Variants in SNTG1 observed in about 807,000 individuals in gnomAD.
SNTG1 encodes the protein syntrophin gamma 1, also known as gamma-1-syntrophin.
SNTG1 carries 39 observed loss-of-function variants against 74.7 expected under a neutral mutation model. That is an observed-to-expected ratio of 0.52 (90% CI 0.40 to 0.68). The LOEUF is 0.68. Ranked by LOEUF, SNTG1 falls within the 30% of genes least tolerant of loss-of-function variation. The pLI, the probability that SNTG1 is intolerant of heterozygous loss-of-function variation, is 0.00. For missense variants in SNTG1, 685 were observed against 609.5 expected (o/e 1.12, Z -1.30); for synonymous variants, 254 against 217.1 (o/e 1.17, Z -1.49).
At position 50,138,262 on chromosome 8, in the gene SNTG1, A is replaced by G. The variant is rs893114313; in HGVS notation, c.-102-34299A>G. On this transcript the variant is annotated intron_variant, in intron 1 of 18. Coordinates refer to ENST00000642720, the MANE Select transcript of SNTG1 (RefSeq NM_018967.5). ...GAAAGCACTGAAAATGTCTGTTCAG[A>G]AAAAAAAACAGCAATTGAAATAATT... Among the ~76,000 whole-genome samples, 3 of 150,338 alleles carry G rather than the reference A, an allele frequency of 2.0e-5. No homozygotes were observed. In the Admixed American group the frequency reaches 2.0e-4, roughly 10 times the overall value.
At chr8:50,232,541 T>G (rs967544078) in intron 2 of SNTG1, among the ~76,000 whole-genome samples, 17 of 151,452 alleles carry the variant, frequency 1.1e-4, no homozygotes, top group Admixed American at 1.1e-3. Context: ...AGGCAAGATG[T>G]TTACTCTTTT....
intron 1 of SNTG1, among the ~76,000 whole-genome samples, chr8:49,974,191 A>C (rs1268637020): frequency 1.3e-5 from 2 of 152,218 alleles, no homozygotes; most frequent in Non-Finnish European, 2.9e-5. Flanking sequence ...CATAGTAACG[A>C]TAGCCCGATA....
chr8:49,963,659 G>T (rs1810893247), intron 1 of SNTG1, among the ~76,000 whole-genome samples: 1 of 152,132 alleles, frequency 6.6e-6, no homozygotes, highest in Non-Finnish European at 1.5e-5. Context: ...GTGCTAACAG[G>T]TTGAGGTTTC....
intron 1 of SNTG1, among the ~76,000 whole-genome samples, chr8:50,162,255 C>T (rs1411603076): frequency 6.6e-6 from 1 of 152,030 alleles, no homozygotes; most frequent in African/African-American, 2.4e-5. Flanking sequence ...GTGAACCCTG[C>T]GGCCTGCTGG....
chr8:50,059,972 A>G (rs528520122), intron 1 of SNTG1, among the ~76,000 whole-genome samples: 1 of 152,210 alleles, frequency 6.6e-6, no homozygotes, highest in Non-Finnish European at 1.5e-5. Flanking sequence ...CCTGCAGTAG[A>G]TGAGTGTTCC....
At chr8:50,052,137 T>C (rs889065628) in intron 1 of SNTG1, among the ~76,000 whole-genome samples, 3 of 152,076 alleles carry the variant, frequency 2.0e-5, no homozygotes, top group African/African-American at 7.2e-5. Context: ...ATTCATACTA[T>C]ATTTCCTGAT....
chr8:49,943,621 C>A (rs1440096973), intron 1 of SNTG1, among the ~76,000 whole-genome samples: 1 of 152,194 alleles, frequency 6.6e-6, no homozygotes, highest in South Asian at 2.1e-4. Flanking sequence ...AATTTTAATC[C>A]TTGCCCTTCT....
chr8:50,211,298 G>A (rs2084510645), intron 2 of SNTG1, among the ~76,000 whole-genome samples: 1 of 151,996 alleles, frequency 6.6e-6, no homozygotes, highest in African/African-American at 2.4e-5. Context: ...TATCTTAAAT[G>A]CACCCTTAGA....
At chr8:50,716,130 TTTTA>T (rs1394885913) in intron 17 of SNTG1, among the ~76,000 whole-genome samples, 6 of 152,168 alleles carry the variant, frequency 3.9e-5, no homozygotes, top group Non-Finnish European at 7.4e-5. Flanking sequence ...TCTTTAGGCT[TTTTA>T]TATAAAGCAT....
At chr8:50,106,030 C>G (rs1455835117) in intron 1 of SNTG1, among the ~76,000 whole-genome samples, 1 of 152,086 alleles carries the variant, frequency 6.6e-6, no homozygotes, top group Admixed American at 6.6e-5. Context: ...ATTTCTTTCT[C>G]TTGCCTGATT....
At chr8:50,122,145 T>G (rs1191424316) in intron 1 of SNTG1, among the ~76,000 whole-genome samples, 1 of 141,606 alleles carries the variant, frequency 7.1e-6, no homozygotes, top group East Asian at 2.0e-4. Flanking sequence ...CCTTGTAAGT[T>G]GTGCCCATGG....
intron 1 of SNTG1, among the ~76,000 whole-genome samples, chr8:50,039,939 A>G (rs1182108226): frequency 6.6e-6 from 1 of 152,114 alleles, no homozygotes; most frequent in Non-Finnish European, 1.5e-5. Context: ...CCACAGCCCT[A>G]GTGCACATGA....
At chr8:50,267,960 G>A (rs1330149523) in intron 2 of SNTG1, among the ~76,000 whole-genome samples, 2 of 152,188 alleles carry the variant, frequency 1.3e-5, no homozygotes, top group East Asian at 3.9e-4. Context: ...CATTGGAAAG[G>A]AATAAATAAA....
chr8:50,174,209 T>C (rs565290513), intron 2 of SNTG1, among the ~76,000 whole-genome samples: 16 of 152,232 alleles, frequency 1.1e-4, no homozygotes, highest in Admixed American at 2.0e-4. Flanking sequence ...GATGTACATG[T>C]ACCACATTTT....
intron 12 of SNTG1, among the ~76,000 whole-genome samples, chr8:50,587,575 A>G (rs1327313373): frequency 6.6e-6 from 1 of 152,178 alleles, no homozygotes; most frequent in African/African-American, 2.4e-5. Context: ...CTGAAATCCC[A>G]CCATTTTGGG....
intron 2 of SNTG1, among the ~76,000 whole-genome samples, chr8:50,234,023 C>A (rs1375714536): frequency 6.6e-6 from 1 of 151,764 alleles, no homozygotes; most frequent in African/African-American, 2.4e-5. Flanking sequence ...CAGAAATTGA[C>A]CATGTTAACC....
intron 2 of SNTG1, among the ~76,000 whole-genome samples, chr8:50,304,760 A>G (rs557889642): frequency 1.3e-5 from 2 of 152,176 alleles, no homozygotes; most frequent in Non-Finnish European, 2.9e-5. Flanking sequence ...TATAGCCATC[A>G]TTTCATGATG....
rs139222495 is a variant in SNTG1 at position 50,204,811 on chromosome 8, C to T, written c.-28+32176C>T. Among the ~76,000 whole-genome samples, 107 of 152,178 alleles carry T rather than the reference C, an allele frequency of 7.0e-4. No individual in the cohort carries two copies. In the East Asian group the frequency reaches 0.017, roughly 24 times the overall value. On this transcript the variant is annotated intron_variant, in intron 2 of 18. Coordinates refer to ENST00000642720, the MANE Select transcript of SNTG1 (RefSeq NM_018967.5). ...TTCAATTCCCACCTATGAGTGACAA[C>T]ATGCGGTGTTTGGTTTTCTGTCCTT...
At chr8:50,205,750 T>A (rs1244726405) in intron 2 of SNTG1, among the ~76,000 whole-genome samples, 1 of 152,242 alleles carries the variant, frequency 6.6e-6, no homozygotes, top group Non-Finnish European at 1.5e-5. Flanking sequence ...TTGTGTAAGA[T>A]GTAAGGAAGG....
Sources: gnomAD v4.1 joint callset for allele counts (sites outside exome capture counted in the v4.1 genomes callset) on GRCh38, gnomAD v4.1.1 for gene constraint, MANE v1.5 for transcripts, NCBI Gene and HGNC (gene_info 2026-07-23, HGNC 2026-07-21) for gene names.